GRM7: variants seen among roughly 807,000 people sequenced by gnomAD.
GRM7 encodes the protein glutamate metabotropic receptor 7, also known as metabotropic glutamate receptor 7.
Under a neutral mutation model 84.5 loss-of-function variants are expected in GRM7, and 35 were observed. The ratio of observed to expected loss-of-function variants is 0.41; its 90% CI spans 0.32 to 0.55. The LOEUF is 0.55. Among genes scored for constraint, GRM7 ranks in the 20% least tolerant of loss-of-function variants. GRM7 has a pLI of 0.19. For missense variants in GRM7, 1,003 were observed against 1,194.6 expected (o/e 0.84, Z 2.36); for synonymous variants, 487 against 455.1 (o/e 1.07, Z -0.89).
At chr3:7,611,508 A>C (rs2125079992) in intron 8 of GRM7, among the ~76,000 whole-genome samples, 1 of 152,256 alleles carries the variant, frequency 6.6e-6, no homozygotes, top group South Asian at 2.1e-4. Context: ...ATCAGCCAAG[A>C]AGGTATAGAA....
chr3:6,901,603 C>CAAAAAAAAAAAAA (rs1160836530), intron 1 of GRM7, among the ~76,000 whole-genome samples: 1 of 19,352 alleles, frequency 5.2e-5, no homozygotes, highest in East Asian at 2.5e-3. Flanking sequence ...AAGACTCCGT[C>CAAAAAAAAAAAAA]TAAAAAAAAA....
chr3:7,617,859 T>C (rs1285768579), intron 8 of GRM7, among the ~76,000 whole-genome samples: 1 of 152,092 alleles, frequency 6.6e-6, no homozygotes, highest in Non-Finnish European at 1.5e-5. Flanking sequence ...ATCAAAACAA[T>C]TTCAACCCAT....
At chr3:6,941,734 G>T (rs183423897) in intron 1 of GRM7, among the ~76,000 whole-genome samples, 9 of 152,162 alleles carry the variant, frequency 5.9e-5, no homozygotes, top group East Asian at 1.9e-4. Context: ...TCATTCATTT[G>T]TACTTGCATT....
At position 7,168,928 on chromosome 3, in the gene GRM7, A is replaced by G. The variant is rs370013189; in HGVS notation, c.736+22260A>G. ...TATCAAATAAAGGAAGAAAAGAATG[A>G]GAACAGACCAGAAAAGGTATCTGCA... On this transcript the variant is annotated intron_variant, in intron 2 of 9. Transcript: ENST00000357716. Among the ~76,000 whole-genome samples the G allele has an allele frequency of 5.3e-5, 8 of 152,346 alleles. No individual in the cohort carries two copies. In the East Asian group the frequency reaches 1.2e-3, roughly 22 times the overall value.
chr3:7,009,759 A>C (rs1695306832), intron 1 of GRM7, among the ~76,000 whole-genome samples: 1 of 152,150 alleles, frequency 6.6e-6, no homozygotes, highest in African/African-American at 2.4e-5. Flanking sequence ...TCTATTGGAT[A>C]GTTATCACAG....
At chr3:7,359,220 T>TTGTG (rs34535570) in intron 4 of GRM7, among the ~76,000 whole-genome samples, 5,501 of 133,204 alleles carry the variant, frequency 0.041, 763 homozygotes, top group African/African-American at 0.15. Context: ...GTGTTTGTGT[T>TTGTG]TGTGTGTGTG....
intron 7 of GRM7, among the ~76,000 whole-genome samples, chr3:7,528,155 C>T (rs1005766083): frequency 1.3e-5 from 2 of 151,758 alleles, no homozygotes; most frequent in Non-Finnish European, 2.9e-5. Flanking sequence ...TAGTCCAGGG[C>T]GTTGTTTTGG....
chr3:7,070,919 T>C (rs904508710), intron 1 of GRM7, among the ~76,000 whole-genome samples: 1 of 152,156 alleles, frequency 6.6e-6, no homozygotes, highest in African/African-American at 2.4e-5. Context: ...TCAACTTCAC[T>C]AAAAAGAGTT....
intron 8 of GRM7, among the ~76,000 whole-genome samples, chr3:7,658,735 A>C (rs1299596483): frequency 6.6e-6 from 1 of 152,212 alleles, no homozygotes; most frequent in Non-Finnish European, 1.5e-5. Context: ...AGAATGTCAA[A>C]CACCAAATAA....
chr3:6,956,634 A>G (rs779407018), intron 1 of GRM7: 5 of 456,684 alleles, frequency 1.1e-5, no homozygotes, highest in Middle Eastern at 3.3e-4. Context: ...GTTCAAGCTC[A>G]TCTTTTCTGT....
chr3:7,579,230 T>C lies in GRM7; in HGVS notation c.2324T>C (p.Ile775Thr), dbSNP rs1241552569. Residue 775 changes from isoleucine to threonine, a missense_variant, in exon 8 of 10, where the codon ATC becomes ACC. Transcript: ENST00000357716. ...ATGGTCACATGTACTGTGTATGCCA[T>C]CAAGACTCGGGGTGTACCCGAGAAT... ...LLMVTCTVYA[I>T]KTRGVPENFN... The C allele has an allele frequency of 6.2e-7, 1 of 1,613,672 alleles. No homozygotes were observed. The highest frequency in any genetic ancestry group is 2.2e-5 in the East Asian group (1 of 44,884).
Position 7,327,448 on chromosome 3 carries a change from G to A in GRM7, c.1033+20796G>A, listed in dbSNP as rs547662434. On this transcript the variant is annotated intron_variant, in intron 4 of 9. Coordinates refer to ENST00000357716, the MANE Select transcript of GRM7 (RefSeq NM_000844.4). ...TTTTCCTCAATTTAAATTCTATTATGTAATCCAATTGGGGTCAACAAAGAA... is the reference window on the plus strand; with the variant it reads ...TTTTCCTCAATTTAAATTCTATTATATAATCCAATTGGGGTCAACAAAGAA... Among the ~76,000 whole-genome samples the A allele has an allele frequency of 3.2e-4, 49 of 152,244 alleles. No homozygotes were observed. The Middle Eastern group carries it at 0.01, about 32-fold the overall frequency.
rs1436817096 is a variant in GRM7, at chr3:7,024,607, GC to G, written c.520-121843del. On this transcript the variant is annotated intron_variant, in intron 1 of 9. Transcript: ENST00000357716. ...GCAAAACTGCAGCAGGCATGGAGAT[GC>G]CGAGTGTGACGACACATGACTTGGT... Among the ~76,000 whole-genome samples, 3 of 152,208 alleles carry G rather than the reference GC, an allele frequency of 2.0e-5. No individual in the cohort carries two copies. The East Asian group carries it at 5.8e-4, about 29-fold the overall frequency.
At chr3:7,551,652 G>A (rs961641591) in intron 7 of GRM7, among the ~76,000 whole-genome samples, 1 of 151,330 alleles carries the variant, frequency 6.6e-6, no homozygotes, top group African/African-American at 2.4e-5. Flanking sequence ...CAATGCTTCT[G>A]CCTAGTCCAT....
intron 5 of GRM7, among the ~76,000 whole-genome samples, chr3:7,424,529 T>G (rs1696525055): frequency 6.6e-6 from 1 of 152,196 alleles, no homozygotes; most frequent in Non-Finnish European, 1.5e-5. Flanking sequence ...TTTTACAGGT[T>G]AATACAAAAG....
intron 2 of GRM7, among the ~76,000 whole-genome samples, chr3:7,278,345 C>G (rs1320608704): frequency 6.6e-6 from 1 of 151,848 alleles, no homozygotes; most frequent in East Asian, 1.9e-4. Context: ...AACCCAAACT[C>G]TAGAATCTGT....
chr3:7,322,885 G>T (rs1508708), intron 4 of GRM7, among the ~76,000 whole-genome samples: 1 of 151,920 alleles, frequency 6.6e-6, no homozygotes, highest in East Asian at 1.9e-4. Flanking sequence ...TGAAAGTGGC[G>T]TATGGTCGTT....
chr3:7,179,309 C>A (rs746170547), intron 2 of GRM7, among the ~76,000 whole-genome samples: 2 of 152,082 alleles, frequency 1.3e-5, no homozygotes, highest in Non-Finnish European at 2.9e-5. Context: ...TTTAATTGTC[C>A]CCCTCCCAAT....
At chr3:6,932,331 T>C (rs1007515108) in intron 1 of GRM7, among the ~76,000 whole-genome samples, 15 of 152,184 alleles carry the variant, frequency 9.9e-5, no homozygotes, top group African/African-American at 3.6e-4. Flanking sequence ...TATATCCCCA[T>C]TTATTCTGAT....
Sources: allele counts gnomAD v4.1 joint callset (sites outside exome capture counted in the v4.1 genomes callset), GRCh38; gene constraint gnomAD v4.1.1; transcripts MANE v1.5; gene names NCBI Gene and HGNC (gene_info 2026-07-23, HGNC 2026-07-21).